The following DNM1L variants were observed in gnomAD, a reference collection of about 807,000 sequenced individuals.
The protein encoded by DNM1L is dynamin-1-like protein.
A neutral mutation model predicts 92.8 loss-of-function variants in DNM1L; 33 were observed. The observed-to-expected ratio is 0.36, with a 90% confidence interval of 0.27 to 0.48. The LOEUF (loss-of-function observed/expected upper bound fraction) is 0.48, where lower values mean the gene tolerates loss of function less well. DNM1L is among the 20% of genes least tolerant of loss of function. The pLI is 0.99. For missense variants in DNM1L, 485 were observed against 888.8 expected, an observed-to-expected ratio of 0.55 and a Z score of 5.78; for synonymous variants, 284 against 305.0, an observed-to-expected ratio of 0.93 and a Z score of 0.72.
rs1174927079 is a variant in DNM1L, at chr12:32,743,665, G to GAACTT, written c.*263_*267dup. 1.4e-5 allele frequency: 7 copies of GAACTT among 484,786 alleles called. No homozygotes were observed. Among genetic ancestry groups the GAACTT allele is most frequent in the East Asian group, 6.8e-5 (2 of 29,250 alleles). The allele number at this position is 484,786 out of a possible 1,614,324, so 30.0% of individuals were successfully genotyped here. A position where few individuals can be genotyped will look rare whatever the true frequency, so the allele number is the denominator to read the frequency against. On this transcript the variant is annotated 3_prime_UTR_variant, in exon 20 of 20. Transcript: ENST00000549701. The stretch of plus-strand genomic sequence containing the variant: ...AGTCTGTCTTGTGACAGTTTCATCT[G>GAACTT]AACTTAACTTAAAAACAACTGTTAA...
At chr12:32,741,820 T>C in intron 18 of DNM1L, among the ~76,000 whole-genome samples, 1 of 152,240 alleles carries the variant, frequency 6.6e-6, no homozygotes, top group East Asian at 1.9e-4. Context: ...GGCTATCCCA[T>C]ATAGCTTAGG....
intron 2 of DNM1L, among the ~76,000 whole-genome samples, chr12:32,704,192 A>G (rs1400163412): frequency 1.3e-5 from 2 of 152,202 alleles, no homozygotes; most frequent in Non-Finnish European, 2.9e-5. Context: ...ATGTGAAAAA[A>G]AAATTTATTT....
At chr12:32,736,370 A>G (rs907993067) in intron 13 of DNM1L, among the ~76,000 whole-genome samples, 1 of 152,160 alleles carries the variant, frequency 6.6e-6, no homozygotes, top group African/African-American at 2.4e-5. Flanking sequence ...TGCCCGGCCA[A>G]TATTTTCATA....
intron 3 of DNM1L, among the ~76,000 whole-genome samples, 167 bp from the exon 4 acceptor site, chr12:32,707,986 T>TA (rs1350879589): frequency 6.6e-6 from 1 of 151,310 alleles, no homozygotes; most frequent in Non-Finnish European, 1.5e-5. Flanking sequence ...AAAAAACTCA[T>TA]AAAAAAACTA....
intron 1 of DNM1L, chr12:32,679,972 G>C: frequency 1.0e-6 from 1 of 985,566 alleles, no homozygotes; most frequent in Non-Finnish European, 1.2e-6. Context: ...CTCTGTTGAG[G>C]CTGAGAGACG....
At chr12:32,739,805 TAAA>T in intron 16 of DNM1L, 2 of 442,232 alleles carry the variant, frequency 4.5e-6, no homozygotes, top group Non-Finnish European at 8.2e-6. Flanking sequence ...TAGCGAATGA[TAAA>T]GAAAAAAGGA....
intron 9 of DNM1L, chr12:32,727,308 A>G (rs1196616294): frequency 1.0e-6 from 1 of 952,944 alleles, no homozygotes; most frequent in African/African-American, 1.6e-5. Flanking sequence ...TTTAACTTGC[A>G]GGTTTTTGAG....
chr12:32,734,216 C>G (rs368972194), intron 13 of DNM1L, among the ~76,000 whole-genome samples: 5 of 152,328 alleles, frequency 3.3e-5, no homozygotes, highest in Admixed American at 6.5e-5. Context: ...TTCACCACTA[C>G]TGGGGTGGCT....
At chr12:32,707,246 T>G in intron 2 of DNM1L, 121 bp from the exon 3 acceptor site, 1 of 724,226 alleles carries the variant, frequency 1.4e-6, no homozygotes, top group Non-Finnish European at 2.4e-6. Context: ...CTTGTTAACT[T>G]GTACTTAATG....
chr12:32,704,365 C>T (rs184406005), intron 2 of DNM1L, among the ~76,000 whole-genome samples: 2 of 151,938 alleles, frequency 1.3e-5, no homozygotes, highest in Non-Finnish European at 1.5e-5. Flanking sequence ...GCCTGGCCAA[C>T]GTGGTGAAAC....
intron 5 of DNM1L, 106 bp downstream of exon 5, chr12:32,711,121 C>A: frequency 1.0e-6 from 1 of 975,558 alleles, no homozygotes; most frequent in Non-Finnish European, 1.6e-6. Context: ...CTGTTAGCAG[C>A]ATTTGATAAC....
intron 9 of DNM1L, among the ~76,000 whole-genome samples, chr12:32,723,242 A>G (rs1051536513): frequency 7.9e-5 from 12 of 152,212 alleles, no homozygotes; most frequent in African/African-American, 2.7e-4. Flanking sequence ...AAAATGGCAT[A>G]AACACTGATA....
chr12:32,679,475 G>T lies in DNM1L; in HGVS notation c.102+10G>T, dbSNP rs1221444106. On this transcript the variant is annotated intron_variant, in intron 1 of 19. Transcript: ENST00000549701. The stretch of plus-strand genomic sequence containing the variant: ...CGTAGTGGGAACGCAGGTGAGAGCA[G>T]CAGGCGGCGTTCGCTCGGGCCAGAC... 1 of 1,608,268 alleles carries T rather than the reference G, an allele frequency of 6.2e-7. No individual in the cohort carries two copies.
intron 1 of DNM1L, among the ~76,000 whole-genome samples, chr12:32,684,600 C>A (rs11052169): frequency 0.15 from 23,402 of 152,048 alleles, 1,912 homozygotes; most frequent in Middle Eastern, 0.21. Flanking sequence ...TGCCTCAGCC[C>A]GGATTACAGG....
chr12:32,716,174 TA>T (rs1437517789), intron 6 of DNM1L, among the ~76,000 whole-genome samples: 1 of 150,890 alleles, frequency 6.6e-6, no homozygotes, highest in African/African-American at 2.4e-5. Context: ...TTCGTTTATA[TA>T]ACACTCTAGA....
chr12:32,699,796 CAAAAAAA>C (rs34943495), intron 1 of DNM1L, among the ~76,000 whole-genome samples: 20,147 of 73,976 alleles, frequency 0.27, 1,547 homozygotes, highest in Middle Eastern at 0.35. Context: ...GACTCCATCT[CAAAAAAA>C]AAAAAAAAAA....
At chr12:32,723,625 C>T (rs1218900947) in intron 9 of DNM1L, among the ~76,000 whole-genome samples, 4 of 138,188 alleles carry the variant, frequency 2.9e-5, no homozygotes, top group African/African-American at 8.1e-5. Flanking sequence ...ACCCGTGAGG[C>T]GGAGGTTGTG....
At chr12:32,736,938 A>C (rs1954925003) in intron 13 of DNM1L, 167 bp from the exon 14 acceptor site, 1 of 679,524 alleles carries the variant, frequency 1.5e-6, no homozygotes, top group Non-Finnish European at 2.4e-6. Context: ...GCTTTGGGTT[A>C]AATGATTTCT....
Position 32,740,389 on chromosome 12 carries a change from TC to T in DNM1L, c.1885-15del, listed in dbSNP as rs863223951. ...TTAGTGTCACAAAAGTAATATTTTTTCCCCCTCATCCCTATTTAGCCAGTTC... is the reference window on the plus strand; with the variant it reads ...TTAGTGTCACAAAAGTAATATTTTTTCCCCTCATCCCTATTTAGCCAGTTC... On this transcript the variant is annotated intron_variant, in intron 17 of 19. Transcript: ENST00000549701. 5,409 of 1,611,928 alleles carry T rather than the reference TC, an allele frequency of 3.4e-3. 165 individuals carry two copies. The African/African-American group carries it at 0.064, about 19-fold the overall frequency.
Sources: allele counts gnomAD v4.1 joint callset (sites outside exome capture counted in the v4.1 genomes callset), GRCh38; gene constraint gnomAD v4.1.1; transcripts MANE v1.5; gene names NCBI Gene and HGNC (gene_info 2026-07-23, HGNC 2026-07-21).